ANO3: variants seen among roughly 807,000 people sequenced by gnomAD.
ANO3 encodes the protein anoctamin 3.
Under a neutral mutation model 144.8 loss-of-function variants are expected in ANO3, and 99 were observed. The observed-to-expected ratio is 0.68, with a 90% CI of 0.58 to 0.81. ANO3 has a LOEUF of 0.81. ANO3 is among the 30% of genes least tolerant of loss of function. The pLI, the probability that ANO3 is intolerant of heterozygous loss-of-function variation, is 0.00. For missense variants in ANO3, 905 were observed against 1,202.2 expected, an observed-to-expected ratio of 0.75 and a Z score of 3.66; for synonymous variants, 414 against 392.6, an observed-to-expected ratio of 1.05 and a Z score of -0.64.
intron 1 of ANO3, among the ~76,000 whole-genome samples, chr11:26,271,513 A>G (rs911725529): frequency 2.0e-5 from 3 of 152,224 alleles, no homozygotes; most frequent in African/African-American, 7.2e-5. Flanking sequence ...GACAACATCT[A>G]TTTAACTGTG....
chr11:26,452,745 C>CCT (rs1344681798), intron 3 of ANO3, among the ~76,000 whole-genome samples: 2 of 152,074 alleles, frequency 1.3e-5, no homozygotes, highest in African/African-American at 4.8e-5. Flanking sequence ...CAAAGATACT[C>CCT]CTCGAGAAGA....
chr11:26,273,883 C>A (rs1853502408), intron 1 of ANO3, among the ~76,000 whole-genome samples: 1 of 152,074 alleles, frequency 6.6e-6, no homozygotes, highest in Non-Finnish European at 1.5e-5. Context: ...TGAAGGAAAG[C>A]AAATCATATA....
intron 4 of ANO3, among the ~76,000 whole-genome samples, chr11:26,498,151 A>T (rs1361809723): frequency 6.6e-6 from 1 of 152,018 alleles, no homozygotes; most frequent in Non-Finnish European, 1.5e-5. Flanking sequence ...AATATCTCTA[A>T]TAAGCATATG....
intron 4 of ANO3, 22 bp downstream of exon 4, chr11:26,463,170 A>G (rs762080255): frequency 3.2e-5 from 41 of 1,274,292 alleles, no homozygotes; most frequent in Middle Eastern, 3.9e-4. Flanking sequence ...TAAATTATCA[A>G]TAAGTCATTT....
At chr11:26,533,907 C>T (rs138895238) in intron 8 of ANO3, among the ~76,000 whole-genome samples, 24 of 152,190 alleles carry the variant, frequency 1.6e-4, no homozygotes, top group African/African-American at 5.5e-4. Flanking sequence ...TCCATTTTTT[C>T]GAGATTCCCA....
intron 1 of ANO3, chr11:26,309,801 C>CGG: frequency 1.6e-6 from 1 of 606,568 alleles, no homozygotes; most frequent in Non-Finnish European, 2.1e-6. Context: ...AGAGTCTTTA[C>CGG]AGGGGGGGTG....
chr11:26,488,096 G>A (rs1334485856), intron 4 of ANO3, among the ~76,000 whole-genome samples: 1 of 152,110 alleles, frequency 6.6e-6, no homozygotes, highest in African/African-American at 2.4e-5. Flanking sequence ...AACCCAGGAG[G>A]TGGAGGTTGC....
intron 1 of ANO3, among the ~76,000 whole-genome samples, chr11:26,370,192 G>A (rs1856209084): frequency 6.6e-6 from 1 of 152,116 alleles, no homozygotes; most frequent in South Asian, 2.1e-4. Flanking sequence ...TCATGGGTGT[G>A]GTTTTCCCCA....
At chr11:26,455,766 G>C (rs1321473164) in intron 3 of ANO3, among the ~76,000 whole-genome samples, 1 of 150,502 alleles carries the variant, frequency 6.6e-6, no homozygotes, top group Non-Finnish European at 1.5e-5. Flanking sequence ...GCATCGCCAA[G>C]TCAATCCTAA....
At chr11:26,423,682 G>C (rs1008979254) in intron 1 of ANO3, among the ~76,000 whole-genome samples, 1 of 151,896 alleles carries the variant, frequency 6.6e-6, no homozygotes, top group African/African-American at 2.4e-5. Flanking sequence ...CCAAGATCGT[G>C]GATATAGAAT....
At chr11:26,551,103 A>G (rs902262152) in intron 12 of ANO3, among the ~76,000 whole-genome samples, 6 of 152,038 alleles carry the variant, frequency 3.9e-5, no homozygotes, top group African/African-American at 1.2e-4. Flanking sequence ...AATGTGTACC[A>G]CAAAGCAAAT....
chr11:26,489,649 C>T (rs1052669958), intron 4 of ANO3, among the ~76,000 whole-genome samples: 14 of 152,180 alleles, frequency 9.2e-5, no homozygotes, highest in Admixed American at 7.9e-4. Context: ...CAGAACTGCC[C>T]AAGACTGTAG....
intron 5 of ANO3, among the ~76,000 whole-genome samples, chr11:26,511,118 A>G (rs1861647839): frequency 6.6e-6 from 1 of 152,224 alleles, no homozygotes; most frequent in Non-Finnish European, 1.5e-5. Context: ...TTCAACCTCA[A>G]TTGCATGTTG....
intron 21 of ANO3, among the ~76,000 whole-genome samples, chr11:26,639,705 GA>G (rs1195709110): frequency 2.6e-5 from 4 of 151,940 alleles, no homozygotes; most frequent in Non-Finnish European, 2.9e-5. Context: ...TTACAACTAA[GA>G]AAAAAATGTT....
chr11:26,365,889 A>G (rs558090944), intron 1 of ANO3, among the ~76,000 whole-genome samples: 3 of 151,406 alleles, frequency 2.0e-5, no homozygotes, highest in African/African-American at 7.3e-5. Flanking sequence ...TTAATTATAC[A>G]AATATCTCTA....
intron 1 of ANO3, among the ~76,000 whole-genome samples, chr11:26,290,788 T>C (rs774096862): frequency 5.3e-5 from 8 of 152,216 alleles, no homozygotes; most frequent in Non-Finnish European, 1.2e-4. Context: ...TTTGTTACAA[T>C]TTCTGTTCTT....
intron 14 of ANO3, among the ~76,000 whole-genome samples, chr11:26,595,475 T>TG (rs1379861654): frequency 6.8e-6 from 1 of 146,986 alleles, no homozygotes; most frequent in African/African-American, 2.5e-5. Flanking sequence ...TTTTTTTTTT[T>TG]TTTTTTTTTT....
At chr11:26,342,307 A>C (rs1410446370) in intron 1 of ANO3, among the ~76,000 whole-genome samples, 3 of 152,200 alleles carry the variant, frequency 2.0e-5, no homozygotes, top group Non-Finnish European at 4.4e-5. Flanking sequence ...TTCGTGTTGA[A>C]ACTTAACAAA....
At chr11:26,562,954 G>C (rs917192436) in intron 14 of ANO3, 13 of 1,018,644 alleles carry the variant, frequency 1.3e-5, no homozygotes, top group Middle Eastern at 3.1e-4. Flanking sequence ...AATTATTTTG[G>C]TTTTGTTCTT....
Sources: allele counts gnomAD v4.1 joint callset (sites outside exome capture counted in the v4.1 genomes callset), GRCh38; gene constraint gnomAD v4.1.1; transcripts MANE v1.5; gene names NCBI Gene and HGNC (gene_info 2026-07-23, HGNC 2026-07-21).